Variants in ME3 observed in about 807,000 individuals in gnomAD.
ME3 encodes the protein NADP-dependent malic enzyme, mitochondrial.
ME3 carries 48 observed loss-of-function variants against 68.9 expected under a neutral mutation model. The observed-to-expected ratio is 0.70, with a 90% CI of 0.55 to 0.89. The LOEUF is 0.89. ME3 is among the 40% of genes least tolerant of loss of function. The pLI is 0.00. For missense variants in ME3, 675 were observed against 797.4 expected, an observed-to-expected ratio of 0.85 and a Z score of 1.85; for synonymous variants, 320 against 318.8, an observed-to-expected ratio of 1.00 and a Z score of -0.04.
At chr11:86,468,363 T>TTCCA (rs1039572985) in intron 7 of ME3, among the ~76,000 whole-genome samples, 6 of 151,764 alleles carry the variant, frequency 4.0e-5, no homozygotes, top group South Asian at 2.1e-4. Flanking sequence ...TCCATCCATT[T>TTCCA]TCCATCCATC....
At chr11:86,509,118 T>A (rs1953309949) in intron 4 of ME3, among the ~76,000 whole-genome samples, 1 of 152,188 alleles carries the variant, frequency 6.6e-6, no homozygotes, top group African/African-American at 2.4e-5. Flanking sequence ...CCAGAGTCTG[T>A]GCCCTTTTTT....
intron 2 of ME3, among the ~76,000 whole-genome samples, chr11:86,565,677 A>T (rs1957446774): frequency 6.6e-6 from 1 of 152,210 alleles, no homozygotes; most frequent in South Asian, 2.1e-4. Context: ...TTATATTAAA[A>T]ACTTTTTTAA....
chr11:86,498,050 C>T (rs200020234), exon 6 of ME3: 1 of 1,613,826 alleles, frequency 6.2e-7, no homozygotes, highest in East Asian at 2.2e-5. Context: ...CCAGCTTGCC[C>T]ACAGGGATGC....
At chr11:86,646,757 C>T (rs1233769493) in intron 2 of ME3, among the ~76,000 whole-genome samples, 1 of 152,208 alleles carries the variant, frequency 6.6e-6, no homozygotes, top group East Asian at 1.9e-4. Flanking sequence ...TCATCAGATT[C>T]ACCAAGATTG....
At chr11:86,443,193 C>T (rs965737238) in intron 13 of ME3, among the ~76,000 whole-genome samples, 1 of 152,218 alleles carries the variant, frequency 6.6e-6, no homozygotes, top group Non-Finnish European at 1.5e-5. Flanking sequence ...AAATCTGTGG[C>T]CTGCAAAGCA....
At chr11:86,597,666 A>G (rs1959748089) in intron 2 of ME3, among the ~76,000 whole-genome samples, 1 of 152,170 alleles carries the variant, frequency 6.6e-6, no homozygotes, top group African/African-American at 2.4e-5. Flanking sequence ...ACTATTGGCA[A>G]AAAGAGTCAA....
intron 6 of ME3, among the ~76,000 whole-genome samples, chr11:86,494,256 G>T (rs1952176831): frequency 6.6e-6 from 1 of 152,160 alleles, no homozygotes; most frequent in East Asian, 1.9e-4. Flanking sequence ...ACTTGATCCT[G>T]AGTGTCCATG....
chr11:86,447,901 A>G (rs1311548006), intron 11 of ME3, among the ~76,000 whole-genome samples: 1 of 150,288 alleles, frequency 6.7e-6, no homozygotes, highest in Non-Finnish European at 1.5e-5. Flanking sequence ...AGAGAGAGAC[A>G]GACTAGCCCT....
At chr11:86,592,348 T>C (rs186304931) in intron 2 of ME3, among the ~76,000 whole-genome samples, 1 of 152,324 alleles carries the variant, frequency 6.6e-6, no homozygotes, top group African/African-American at 2.4e-5. Context: ...TTCTTAGGCC[T>C]TGAGGGGGGG....
intron 8 of ME3, chr11:86,457,877 C>A (rs1950028944): frequency 9.3e-7 from 1 of 1,073,968 alleles, no homozygotes; most frequent in Non-Finnish European, 1.2e-6. Context: ...AAAGGACATG[C>A]TGAAAATGTA....
At chr11:86,496,675 A>G (rs1417724023) in intron 6 of ME3, among the ~76,000 whole-genome samples, 1 of 152,244 alleles carries the variant, frequency 6.6e-6, no homozygotes, top group Non-Finnish European at 1.5e-5. Context: ...AGCACAATTT[A>G]TATTTTAAAA....
chr11:86,663,731 G>T (rs73514372), intron 2 of ME3, among the ~76,000 whole-genome samples: 2 of 152,124 alleles, frequency 1.3e-5, no homozygotes, highest in African/African-American at 4.8e-5. Flanking sequence ...TGGTAGAAAT[G>T]ACAAAAATGT....
intron 2 of ME3, among the ~76,000 whole-genome samples, chr11:86,670,894 A>G (rs1028252592): frequency 6.6e-6 from 1 of 152,214 alleles, no homozygotes; most frequent in Non-Finnish European, 1.5e-5. Context: ...CATAATATCT[A>G]TTTTAGGCTG....
chr11:86,475,209 G>C (rs543579760), intron 7 of ME3, among the ~76,000 whole-genome samples: 67 of 152,284 alleles, frequency 4.4e-4, no homozygotes, highest in South Asian at 4.4e-3. Context: ...GAATGGTTTA[G>C]TACCATCCCT....
At chr11:86,475,188 G>A (rs1035419679) in intron 7 of ME3, among the ~76,000 whole-genome samples, 4 of 152,176 alleles carry the variant, frequency 2.6e-5, no homozygotes, top group Non-Finnish European at 2.9e-5. Flanking sequence ...TCATGGGGGA[G>A]GAGTTCTCAT....
downstream of ME3, among the ~76,000 whole-genome samples, chr11:86,440,543 T>C (rs1343281869): frequency 1.3e-5 from 2 of 152,156 alleles, no homozygotes; most frequent in Non-Finnish European, 2.9e-5. Flanking sequence ...CCTCACTGCT[T>C]GGCAGGCTGA....
At chr11:86,641,036 TG>T (rs34557683) in intron 2 of ME3, among the ~76,000 whole-genome samples, 10,958 of 139,906 alleles carry the variant, frequency 0.078, 447 homozygotes, top group Middle Eastern at 0.11. Context: ...TCAATTTCAC[TG>T]GGGGGGGGGG....
Position 86,598,503 on chromosome 11 carries a change from A to G in ME3, c.184-38680T>C, listed in dbSNP as rs528011603. ...CAAGGAGGCCTGCCTGCCTCTGTAGACTCCACCTCTGGGGGCAGGGCACAG... is the reference window on the plus strand; with the variant it reads ...CAAGGAGGCCTGCCTGCCTCTGTAGGCTCCACCTCTGGGGGCAGGGCACAG... On this transcript the variant is annotated intron_variant, in intron 2 of 14. Coordinates refer to ENST00000543262, the Ensembl canonical transcript of ME3. 2.3e-3 allele frequency among the ~76,000 whole-genome samples: 351 copies of G among 152,140 alleles called. 4 individuals carry two copies. Among genetic ancestry groups the G allele is most frequent in the South Asian group, 0.019 (91 of 4,820 alleles).
chr11:86,492,481 ACT>A (rs1952064155), intron 6 of ME3, among the ~76,000 whole-genome samples: 1 of 152,086 alleles, frequency 6.6e-6, no homozygotes, highest in Non-Finnish European at 1.5e-5. Flanking sequence ...CTAGACCAGG[ACT>A]CTTCCCAGGG....
Sources: allele counts gnomAD v4.1 joint callset (sites outside exome capture counted in the v4.1 genomes callset), GRCh38; gene constraint gnomAD v4.1.1; transcripts MANE v1.5; gene names NCBI Gene and HGNC (gene_info 2026-07-23, HGNC 2026-07-21).